GRM7: variants seen among roughly 807,000 people sequenced by gnomAD.
GRM7 encodes the protein glutamate metabotropic receptor 7.
In GRM7, 35 loss-of-function variants were observed where a neutral mutation model predicts 84.5. That is an observed-to-expected ratio of 0.41 (90% CI 0.32 to 0.55). The LOEUF (loss-of-function observed/expected upper bound fraction) is 0.55. GRM7 is among the 20% of genes least tolerant of loss of function. GRM7 has a pLI of 0.19. For synonymous variants in GRM7, 487 were observed against 455.1 expected (o/e 1.07, Z -0.89); for missense variants, 1,003 against 1,194.6 (o/e 0.84, Z 2.36).
At chr3:7,202,177 T>C (rs909055343) in intron 2 of GRM7, among the ~76,000 whole-genome samples, 7 of 152,198 alleles carry the variant, frequency 4.6e-5, no homozygotes, top group Non-Finnish European at 1.0e-4. Context: ...TTCTTTTCCA[T>C]GATATATGTA....
At chr3:7,191,709 T>C (rs1202882283) in intron 2 of GRM7, among the ~76,000 whole-genome samples, 1 of 150,338 alleles carries the variant, frequency 6.7e-6, no homozygotes, top group African/African-American at 2.5e-5. Flanking sequence ...TGATGGAAAA[T>C]AGATCAGATG....
intron 1 of GRM7, among the ~76,000 whole-genome samples, chr3:6,877,171 G>A (rs1426879306): frequency 6.6e-6 from 1 of 152,164 alleles, no homozygotes; most frequent in East Asian, 1.9e-4. Context: ...CTTGCATCAT[G>A]TTAGTGAGCT....
At chr3:7,303,034 G>T (rs924775190) in intron 3 of GRM7, among the ~76,000 whole-genome samples, 1 of 147,788 alleles carries the variant, frequency 6.8e-6, no homozygotes, top group Non-Finnish European at 1.5e-5. Flanking sequence ...TCCACCTCCC[G>T]GGTTCATGCC....
At chr3:7,191,350 G>A (rs369709483) in intron 2 of GRM7, among the ~76,000 whole-genome samples, 13 of 151,530 alleles carry the variant, frequency 8.6e-5, no homozygotes, top group African/African-American at 2.4e-4. Flanking sequence ...TATATCCAAT[G>A]GCTGCTCAAT....
At chr3:7,034,541 A>G (rs528490897) in intron 1 of GRM7, among the ~76,000 whole-genome samples, 258 of 152,356 alleles carry the variant, frequency 1.7e-3, no homozygotes, top group Middle Eastern at 6.8e-3. Context: ...ACATACATAC[A>G]TATACGTACA....
At chr3:6,881,065 G>A (rs990703375) in intron 1 of GRM7, among the ~76,000 whole-genome samples, 4 of 152,066 alleles carry the variant, frequency 2.6e-5, no homozygotes, top group African/African-American at 7.2e-5. Flanking sequence ...GTCTCAAAAA[G>A]GAAAGGAGAC....
rs115362103 is a variant in GRM7 at position 7,095,437 on chromosome 3, A to G, written c.520-51015A>G. Among the ~76,000 whole-genome samples, 800 of 152,266 alleles carry G rather than the reference A, an allele frequency of 5.3e-3. 8 individuals are homozygous for G. The highest frequency in any genetic ancestry group is 0.018 in the African/African-American group (748 of 41,562). Reference sequence around the variant, plus strand: ...CTTTAAGGAATGATTGGGTTTGGCAAGTCATGTTGCTTTTCCTTCCGTTGC... The same window carrying G: ...CTTTAAGGAATGATTGGGTTTGGCAGGTCATGTTGCTTTTCCTTCCGTTGC... On this transcript the variant is annotated intron_variant, in intron 1 of 9. Coordinates refer to ENST00000357716, the MANE Select transcript of GRM7 (RefSeq NM_000844.4).
At chr3:7,495,801 G>A (rs1298523096) in intron 7 of GRM7, among the ~76,000 whole-genome samples, 1 of 152,170 alleles carries the variant, frequency 6.6e-6, no homozygotes, top group Non-Finnish European at 1.5e-5. Context: ...CCTTCTGTTG[G>A]ATAGGGGAAC....
intron 8 of GRM7, among the ~76,000 whole-genome samples, chr3:7,585,637 C>T (rs1695484224): frequency 6.6e-6 from 1 of 152,166 alleles, no homozygotes; most frequent in African/African-American, 2.4e-5. Flanking sequence ...AATCTTCCTG[C>T]CACCTCCCGT....
At chr3:7,299,466 T>G (rs1415148397) in intron 3 of GRM7, among the ~76,000 whole-genome samples, 4 of 152,168 alleles carry the variant, frequency 2.6e-5, no homozygotes, top group African/African-American at 9.6e-5. Flanking sequence ...TATTTATTTT[T>G]GTAATCTTTA....
At chr3:7,722,624 G>A (rs973104617) in intron 9 of GRM7, among the ~76,000 whole-genome samples, 1 of 152,000 alleles carries the variant, frequency 6.6e-6, no homozygotes. Context: ...TGTAATTTTA[G>A]TAGAGACAGG....
intron 8 of GRM7, among the ~76,000 whole-genome samples, chr3:7,605,892 T>C (rs534684017): frequency 4.6e-5 from 7 of 152,306 alleles, no homozygotes; most frequent in East Asian, 1.9e-4. Context: ...AATGCAGCCA[T>C]AGATAATATG....
chr3:7,172,750 G>A (rs1356001844), intron 2 of GRM7, among the ~76,000 whole-genome samples: 1 of 152,020 alleles, frequency 6.6e-6, no homozygotes, highest in Non-Finnish European at 1.5e-5. Context: ...ATTACATCCA[G>A]TGGTCCCATG....
chr3:7,522,963 A>G (rs1334260999), intron 7 of GRM7, among the ~76,000 whole-genome samples: 1 of 152,098 alleles, frequency 6.6e-6, no homozygotes, highest in Non-Finnish European at 1.5e-5. Context: ...TTTGCATGTA[A>G]GGATGCAGCA....
rs1204948170 is a variant in GRM7 at position 7,585,795 on chromosome 3, A to G, written c.2451+6438A>G. Among the ~76,000 whole-genome samples, 4 of 152,134 alleles carry G rather than the reference A, an allele frequency of 2.6e-5. No homozygotes were observed. In the East Asian group the frequency reaches 7.7e-4, roughly 29 times the overall value. On this transcript the variant is annotated intron_variant, in intron 8 of 9. Transcript: ENST00000357716. ...CCTAGCTTTTCTCAAAGCATCAGAG[A>G]CCATCTCTCATTTTCAGAAAGAATC...
At chr3:7,487,222 CAG>C (rs778729028) in intron 7 of GRM7, among the ~76,000 whole-genome samples, 6 of 152,038 alleles carry the variant, frequency 3.9e-5, no homozygotes, top group Non-Finnish European at 8.8e-5. Flanking sequence ...AGCTGAGATT[CAG>C]GAGCAAAAGA....
intron 1 of GRM7, among the ~76,000 whole-genome samples, chr3:6,912,334 T>C (rs1696801039): frequency 6.6e-6 from 1 of 152,190 alleles, no homozygotes; most frequent in African/African-American, 2.4e-5. Context: ...GTGAAGAATT[T>C]TTAAACTTCA....
chr3:7,708,232 G>A (rs1421217231), intron 9 of GRM7, among the ~76,000 whole-genome samples: 1 of 150,972 alleles, frequency 6.6e-6, no homozygotes, highest in Non-Finnish European at 1.5e-5. Context: ...TTTTGAACAC[G>A]TGCTTTCATG....
rs555284937 is a variant in GRM7, at chr3:7,515,296, T to C, written c.1515+53574T>C. On this transcript the variant is annotated intron_variant, in intron 7 of 9. Coordinates refer to ENST00000357716, the MANE Select transcript of GRM7 (RefSeq NM_000844.4). ...ACTACGGACGTTTTGAGCCTGATAGTTTTTGTGTTTGAGGGAGGAAGGGAG... is the reference window on the plus strand; with the variant it reads ...ACTACGGACGTTTTGAGCCTGATAGCTTTTGTGTTTGAGGGAGGAAGGGAG... Among the ~76,000 whole-genome samples the C allele has an allele frequency of 5.9e-5, 9 of 152,026 alleles. No individual in the cohort carries two copies. In the East Asian group the frequency reaches 1.2e-3, roughly 20 times the overall value.
Sources: allele counts gnomAD v4.1 joint callset (sites outside exome capture counted in the v4.1 genomes callset), GRCh38; gene constraint gnomAD v4.1.1; transcripts MANE v1.5; gene names NCBI Gene and HGNC (gene_info 2026-07-23, HGNC 2026-07-21).